Variants in CHI3L1 observed in about 807,000 individuals in gnomAD.
CHI3L1 encodes the protein chitinase-3-like protein 1.
A neutral mutation model predicts 40.7 loss-of-function variants in CHI3L1; 30 were observed. The observed-to-expected ratio is 0.74, with a 90% confidence interval of 0.55 to 1.00. The LOEUF is 1.00. CHI3L1 is among the 50% of genes least tolerant of loss of function. The pLI is 0.00. For synonymous variants in CHI3L1, 210 were observed against 192.1 expected (o/e 1.09, Z -0.77); for missense variants, 493 against 492.2 (o/e 1.00, Z -0.01).
At chr1:203,182,508 G>A (rs1655956982) in intron 6 of CHI3L1, among the ~76,000 whole-genome samples, 1 of 152,210 alleles carries the variant, frequency 6.6e-6, no homozygotes, top group Non-Finnish European at 1.5e-5. Context: ...CAGCCCAGGT[G>A]AAAAAGGAAA....
At position 203,179,133 on chromosome 1, in the gene CHI3L1, G is replaced by T. The variant is rs1049452; in HGVS notation, c.*312C>A. ...ATGGTGTCCTTTGATAAGGAGGGCT[G>T]GGGGGCAGGGAGTTGAAGAAATTCC... On this transcript the variant is annotated 3_prime_UTR_variant, in exon 10 of 10. Transcript: ENST00000255409. The T allele has an allele frequency of 4.3e-6, 1 of 234,322 alleles. No homozygotes were observed. Among genetic ancestry groups the T allele is most frequent in the Non-Finnish European group, 8.3e-6 (1 of 120,174 alleles). The allele number at this position is 234,322 out of a possible 1,614,324, so 14.5% of individuals were successfully genotyped here. A position where few individuals can be genotyped will look rare whatever the true frequency, so the allele number is the denominator to read the frequency against.
At chr1:203,180,749 A>G (rs979484364) in intron 7 of CHI3L1, 97 bp from the exon 8 acceptor site, 1 of 868,002 alleles carries the variant, frequency 1.2e-6, no homozygotes, top group African/African-American at 1.7e-5. Flanking sequence ...TTATTGGTGT[A>G]TGGTGCACTG....
At chr1:203,186,277 G>C (rs760505974) in intron 2 of CHI3L1, 39 bp downstream of exon 2, 1 of 1,566,174 alleles carries the variant, frequency 6.4e-7, no homozygotes, top group Non-Finnish European at 8.7e-7. Flanking sequence ...CCCTCGCCAC[G>C]CCTCTGGACT....
intron 8 of CHI3L1, 47 bp downstream of exon 8, chr1:203,180,423 G>T: frequency 1.4e-6 from 2 of 1,468,724 alleles, no homozygotes; most frequent in South Asian, 1.4e-5. Context: ...CTTCCCCAGG[G>T]CTGCTGGTGG....
chr1:203,181,072 T>A, intron 7 of CHI3L1, 90 bp downstream of exon 7: 1 of 1,522,898 alleles, frequency 6.6e-7, no homozygotes. Flanking sequence ...TGCAGGACTG[T>A]ACTGAGGGCT....
In CHI3L1 at chr1:203,180,496, C is replaced by T. The variant is rs1239059599; in HGVS notation, c.868G>A (p.Glu290Lys). 3.1e-6 allele frequency: 5 copies of T among 1,599,788 alleles called. No individual in the cohort carries two copies. The highest frequency in any genetic ancestry group is 4.3e-6 in the Non-Finnish European group (5 of 1,174,922). ...GPGIPGRFTKEAGTLAYYEIC... is the reference protein window; with the variant it reads ...GPGIPGRFTKKAGTLAYYEIC... ...TCATAGTAGGCAAGGGTCCCTGCCT[C>T]CTTGGTGAACCGGCCTGGAATTCCC... Residue 290 changes from glutamate to lysine, a missense_variant, in exon 8 of 10, where the codon GAG becomes AAG. Transcript: ENST00000255409.
chr1:203,186,274 C>T, intron 2 of CHI3L1, 42 bp downstream of exon 2: 2 of 1,563,982 alleles, frequency 1.3e-6, no homozygotes, highest in Middle Eastern at 1.7e-4. Context: ...GTGCCCTCGC[C>T]ACGCCTCTGG....
chr1:203,186,552 C>T, intron 1 of CHI3L1, 47 bp downstream of exon 1: 1 of 1,613,342 alleles, frequency 6.2e-7, no homozygotes, highest in Non-Finnish European at 8.5e-7. Context: ...CTGTCTGGGC[C>T]TGAAAACCCA....
rs371798594 is a variant in CHI3L1, at chr1:203,179,745, C to T, written c.1011+16G>A. ...TCTTTCTCTTTGTCCTGAGGTGTGGCCTTGGGGAAACCTACCTTGCTTTTG... is the reference window on the plus strand; with the variant it reads ...TCTTTCTCTTTGTCCTGAGGTGTGGTCTTGGGGAAACCTACCTTGCTTTTG... On this transcript the variant is annotated intron_variant, in intron 9 of 9. Coordinates refer to ENST00000255409, the MANE Select transcript of CHI3L1 (RefSeq NM_001276.4). 10 of 1,614,172 alleles carry T rather than the reference C, an allele frequency of 6.2e-6. No homozygotes were observed. Among genetic ancestry groups the T allele is most frequent in the Non-Finnish European group, 8.5e-6 (10 of 1,180,042 alleles).
At chr1:203,183,897 A>C in intron 4 of CHI3L1, 106 bp from the exon 5 acceptor site, 1 of 1,296,070 alleles carries the variant, frequency 7.7e-7, no homozygotes, top group Non-Finnish European at 1.1e-6. Flanking sequence ...CTGAGGCCAC[A>C]CAGCTCTGGG....
rs1043368621 is a variant in CHI3L1, at chr1:203,179,289, C to T, written c.*156G>A. The T allele has an allele frequency of 3.1e-6, 2 of 642,578 alleles. No individual in the cohort carries two copies. The highest frequency in any genetic ancestry group is 1.8e-5 in the African/African-American group (1 of 55,864). The allele number at this position is 642,578 out of a possible 1,614,324, so 39.8% of individuals were successfully genotyped here. Reference sequence around the variant, plus strand: ...CCTCTCTGCCCACCAGGGCTGAGCTCAAATCTGTGTGTTGTGGACCTCTGC... The same window carrying T: ...CCTCTCTGCCCACCAGGGCTGAGCTTAAATCTGTGTGTTGTGGACCTCTGC... On this transcript the variant is annotated 3_prime_UTR_variant, in exon 10 of 10. Coordinates refer to ENST00000255409, the MANE Select transcript of CHI3L1 (RefSeq NM_001276.4).
rs1026089157 is a variant in CHI3L1, at chr1:203,179,984, C to T, written c.895-107G>A. ...CTCTTTTAGCTCCTGCTCCATCCTG[C>T]AGCCTCACTCTCTGCAGGGTCTGCA... On this transcript the variant is annotated intron_variant, in intron 8 of 9. Coordinates refer to ENST00000255409, the MANE Select transcript of CHI3L1 (RefSeq NM_001276.4). 25 of 991,586 alleles carry T rather than the reference C, an allele frequency of 2.5e-5. No homozygotes were observed. In the Admixed American group the frequency reaches 4.9e-4, roughly 19 times the overall value. The allele number at this position is 991,586 out of a possible 1,614,324, so 61.4% of individuals were successfully genotyped here.
In CHI3L1 at chr1:203,185,200, T is replaced by G; in HGVS notation, c.241A>C (p.Asn81His). ...TGGCCCAACCTGTTCTTGAGTGTGT[T>G]GAGCATGCCGTAGAGCGTCACATCA... is the stretch of plus-strand genomic sequence containing the variant. ...WNDVTLYGMLNTLKNRNPNLK... is the reference protein window; with the variant it reads ...WNDVTLYGMLHTLKNRNPNLK... Residue 81 changes from asparagine (N) to histidine (H), a missense_variant, in exon 3 of 10, where the codon AAC (asparagine) becomes CAC (histidine). By Grantham distance (68) the Asn-to-His change is moderately conservative (BLOSUM62 1). Coordinates refer to ENST00000255409, the MANE Select transcript of CHI3L1 (RefSeq NM_001276.4). 1 of 1,614,006 alleles carries G rather than the reference T, an allele frequency of 6.2e-7. No individual in the cohort carries two copies. Among genetic ancestry groups the G allele is most frequent in the Non-Finnish European group, 8.5e-7 (1 of 1,179,940 alleles).
chr1:203,184,510 A>C, intron 4 of CHI3L1, 66 bp downstream of exon 4: 1 of 1,329,894 alleles, frequency 7.5e-7, no homozygotes. Context: ...TGGATGCGGG[A>C]GACCCAAGCT....
chr1:203,180,671 G>GTGGT lies in CHI3L1; in HGVS notation c.712-20_712-19insACCA. Reference sequence around the variant, plus strand: ...CATAGTCCTGGGTGGGGTAGGGTGGGAACAACGTGAGCAGTTAGTGCACAG... The same window carrying GTGGT: ...CATAGTCCTGGGTGGGGTAGGGTGGGTGGTAACAACGTGAGCAGTTAGTGCACAG... On this transcript the variant is annotated intron_variant, in intron 7 of 9. Transcript: ENST00000255409. 1 of 728,548 alleles carries GTGGT rather than the reference G, an allele frequency of 1.4e-6. No individual in the cohort carries two copies. The highest frequency in any genetic ancestry group is 2.3e-6 in the Non-Finnish European group (1 of 427,608). 45.1% of individuals were successfully genotyped at this position (728,548 alleles called of 1,614,324 possible).
rs765522974 is a variant in CHI3L1, at chr1:203,179,799, A to T, written c.973T>A (p.Trp325Arg). The T allele has an allele frequency of 1.2e-6, 2 of 1,613,914 alleles. No homozygotes were observed. ...QVPYATKGNQ[W>R]VGYDDQESVK... ...CTTTCCTGGTCGTCGTATCCTACCC[A>T]CTGGTTGCCCTTGGTGGCATAGGGG... The change falls in exon 9 of 10, where the codon TGG (tryptophan) becomes AGG (arginine). Residue 325 changes from tryptophan to arginine, a missense_variant. By Grantham distance (101) the Trp-to-Arg change is moderately radical. Coordinates refer to ENST00000255409, the MANE Select transcript of CHI3L1 (RefSeq NM_001276.4).
intron 2 of CHI3L1, among the ~76,000 whole-genome samples, chr1:203,185,704 A>G (rs1214928247): frequency 6.6e-6 from 1 of 152,212 alleles, no homozygotes; most frequent in Non-Finnish European, 1.5e-5. Context: ...TGGTGCCAGC[A>G]CAGCAGGCTT....
chr1:203,180,327 C>T (rs1403432571), intron 8 of CHI3L1, 143 bp downstream of exon 8: 8 of 752,080 alleles, frequency 1.1e-5, no homozygotes, highest in African/African-American at 1.8e-5. Flanking sequence ...CTAACCTCTC[C>T]CTTCCACTTC....
At chr1:203,184,373 G>A (rs1396351340) in intron 4 of CHI3L1, among the ~76,000 whole-genome samples, 1 of 152,204 alleles carries the variant, frequency 6.6e-6, no homozygotes, top group Non-Finnish European at 1.5e-5. Flanking sequence ...TTAACTTGCT[G>A]TGTGACTCTT....
Sources: allele counts gnomAD v4.1 joint callset (sites outside exome capture counted in the v4.1 genomes callset), GRCh38; gene constraint gnomAD v4.1.1; transcripts MANE v1.5; gene names NCBI Gene and HGNC (gene_info 2026-07-23, HGNC 2026-07-21).